The following SLC36A1 variants were observed in gnomAD, a reference collection of about 807,000 sequenced individuals.
SLC36A1 encodes proton-coupled amino acid transporter 1.
SLC36A1 carries 30 observed loss-of-function variants against 47.5 expected under a neutral mutation model. The observed-to-expected ratio is 0.63, with a 90% CI of 0.47 to 0.86. The LOEUF (loss-of-function observed/expected upper bound fraction) is 0.86. Ranked by LOEUF, SLC36A1 falls within the 40% of genes least tolerant of loss-of-function variation. The pLI, the probability that SLC36A1 is intolerant of heterozygous loss-of-function variation, is 0.00. For synonymous variants in SLC36A1, 255 were observed against 249.7 expected (o/e 1.02, Z -0.20); for missense variants, 517 against 606.0 (o/e 0.85, Z 1.54).
the SLC36A1 span, chr5:151,521,401 G>T: frequency 1.2e-5 from 19 of 1,614,216 alleles, no homozygotes; most frequent in East Asian, 3.8e-4. Flanking sequence ...ACCCTGGCAG[G>T]TTGGCCCCTG....
chr5:151,479,611 T>C, intron 10 of SLC36A1, 122 bp downstream of exon 10: 1 of 1,106,670 alleles, frequency 9.0e-7, no homozygotes, highest in East Asian at 2.4e-5. Flanking sequence ...ACAGAGAACC[T>C]GGCCCATGGC....
chr5:151,345,338 C>T, the SLC36A1 span, among the ~76,000 whole-genome samples: 3 of 152,186 alleles, frequency 2.0e-5, no homozygotes, highest in African/African-American at 7.2e-5. Context: ...GATTAAACCT[C>T]AAGGCCACGA....
the SLC36A1 span, among the ~76,000 whole-genome samples, chr5:151,517,453 T>C: frequency 6.6e-6 from 1 of 152,202 alleles, no homozygotes; most frequent in Non-Finnish European, 1.5e-5. Flanking sequence ...GCTGTGGCCA[T>C]CCAGGACAGG....
the SLC36A1 span, among the ~76,000 whole-genome samples, chr5:151,404,981 A>G: frequency 6.6e-6 from 1 of 152,220 alleles, no homozygotes; most frequent in African/African-American, 2.4e-5. Context: ...GTCCTCAAAT[A>G]TGTTTTCCAA....
chr5:151,504,715 C>T, the SLC36A1 span: 30 of 152,762 alleles, frequency 2.0e-4, no homozygotes, highest in African/African-American at 6.0e-4. Context: ...TAGTTCCTTC[C>T]TTCCTTTGGC....
the SLC36A1 span, among the ~76,000 whole-genome samples, chr5:151,532,376 T>A: frequency 7.9e-6 from 1 of 126,922 alleles, no homozygotes; most frequent in South Asian, 2.9e-4. Flanking sequence ...TAGAACTAAG[T>A]GTGCGTGTAC....
rs748883132 is a variant in SLC36A1 at position 151,488,113 on chromosome 5, C to T, written c.1290C>T (p.Ser430=). The change falls in exon 11 of 11, where the codon AGC becomes AGT. Residue 430 remains serine, a synonymous_variant. Transcript: ENST00000243389. ...CCACCTTCTACTCAGAGGGCATGAGCCCCCTCACCATCTTTAAGGACGCCC... is the reference window on the plus strand; with the variant it reads ...CCACCTTCTACTCAGAGGGCATGAGTCCCCTCACCATCTTTAAGGACGCCC... ...EVTTFYSEGM[S]PLTIFKDALI... 1.2e-6 allele frequency: 2 copies of T among 1,614,196 alleles called. No homozygotes were observed. The highest frequency in any genetic ancestry group is 2.7e-5 in the African/African-American group (2 of 75,054).
the SLC36A1 span, among the ~76,000 whole-genome samples, chr5:151,377,411 C>T: frequency 4.6e-4 from 66 of 142,742 alleles, no homozygotes; most frequent in Non-Finnish European, 8.3e-4. Context: ...TGCAGTGGCG[C>T]GATCTCGACT....
the SLC36A1 span, among the ~76,000 whole-genome samples, chr5:151,359,801 TC>T: frequency 6.6e-6 from 1 of 152,346 alleles, no homozygotes; most frequent in South Asian, 2.1e-4. Flanking sequence ...TTTGAGTTCA[TC>T]CATGCTGTAG....
At chr5:151,545,661 T>A in the SLC36A1 span, 46 of 1,614,154 alleles carry the variant, frequency 2.8e-5, no homozygotes, top group African/African-American at 6.0e-4. Context: ...ATACAATGGT[T>A]AGGGTTCCCA....
the SLC36A1 span, among the ~76,000 whole-genome samples, chr5:151,500,390 C>T: frequency 1.9e-3 from 284 of 147,494 alleles, no homozygotes; most frequent in Admixed American, 5.3e-3. Context: ...TGTTTTGAGA[C>T]GGAATCTCGT....
chr5:151,473,725 C>G lies in SLC36A1; in HGVS notation c.776C>G (p.Pro259Arg). The change falls in exon 8 of 11, where the codon CCT (proline) becomes CGT (arginine). Residue 259 changes from proline (P) to arginine (R), a missense_variant. By Grantham distance (103) the Pro-to-Arg change is moderately radical. Coordinates refer to ENST00000243389, the MANE Select transcript of SLC36A1 (RefSeq NM_078483.4). Reference protein sequence around the residue: ...LPLVAPWKTYPLFFGTAIFSF... With the variant: ...LPLVAPWKTYRLFFGTAIFSF... Reference sequence around the variant, plus strand: ...TTGGTGGCCCCTTGGAAGACCTACCCTCTCTTCTTTGGCACAGCGATTTTT... The same window carrying G: ...TTGGTGGCCCCTTGGAAGACCTACCGTCTCTTCTTTGGCACAGCGATTTTT... The G allele has an allele frequency of 6.2e-7, 1 of 1,614,114 alleles. No individual in the cohort carries two copies. Among genetic ancestry groups the G allele is most frequent in the East Asian group, 2.2e-5 (1 of 44,878 alleles).
At chr5:151,513,415 A>G in the SLC36A1 span, among the ~76,000 whole-genome samples, 1 of 152,222 alleles carries the variant, frequency 6.6e-6, no homozygotes, top group East Asian at 1.9e-4. Flanking sequence ...ATTCAGCCAT[A>G]AAAAAGAATG....
the SLC36A1 span, among the ~76,000 whole-genome samples, chr5:151,351,404 C>CA: frequency 6.6e-6 from 1 of 151,980 alleles, no homozygotes; most frequent in Non-Finnish European, 1.5e-5. Context: ...AAAGCTATTC[C>CA]TGAGAACCCC....
chr5:151,506,207 G>T, the SLC36A1 span: 2 of 1,171,344 alleles, frequency 1.7e-6, no homozygotes, highest in Non-Finnish European at 1.2e-6. Flanking sequence ...GGAGTGGGTG[G>T]GCATAGGCCC....
chr5:151,532,539 C>G, the SLC36A1 span, among the ~76,000 whole-genome samples: 1 of 152,180 alleles, frequency 6.6e-6, no homozygotes, highest in Non-Finnish European at 1.5e-5. Flanking sequence ...GTAAGATGCT[C>G]CCATTAGGGA....
the SLC36A1 span, chr5:151,543,244 T>C: frequency 5.6e-6 from 9 of 1,614,046 alleles, no homozygotes; most frequent in East Asian, 2.0e-4. Flanking sequence ...TTTAACTAGG[T>C]CCTCTGGGTT....
chr5:151,494,682 ATTTG>A (rs1389842021), downstream of SLC36A1, among the ~76,000 whole-genome samples: 3 of 152,198 alleles, frequency 2.0e-5, no homozygotes, highest in Non-Finnish European at 4.4e-5. Flanking sequence ...ATGAACCATA[ATTTG>A]TTTATCCATT....
chr5:151,473,013 T>A (rs1346242826), intron 7 of SLC36A1, among the ~76,000 whole-genome samples: 2 of 151,992 alleles, frequency 1.3e-5, no homozygotes, highest in African/African-American at 4.8e-5. Flanking sequence ...ACCAAAAATA[T>A]ACAAAAAATA....
Sources: gnomAD v4.1 joint callset for allele counts (sites outside exome capture counted in the v4.1 genomes callset) on GRCh38, gnomAD v4.1.1 for gene constraint, MANE v1.5 for transcripts, NCBI Gene and HGNC (gene_info 2026-07-23, HGNC 2026-07-21) for gene names.